The following HYCC2 variants were observed in gnomAD, a reference collection of about 807,000 sequenced individuals.
The protein encoded by HYCC2 is hyccin PI4KA lipid kinase complex subunit 2, also known as hyccin 2.
At chr2:201,007,254 C>T in the HYCC2 span, among the ~76,000 whole-genome samples, 3 of 152,056 alleles carry the variant, frequency 2.0e-5, no homozygotes, top group Admixed American at 1.3e-4. Context: ...TCGAAAATAT[C>T]ATAAGTCAAA....
chr2:201,040,650 A>C, the HYCC2 span, among the ~76,000 whole-genome samples: 2 of 151,882 alleles, frequency 1.3e-5, no homozygotes, highest in East Asian at 3.9e-4. Flanking sequence ...ATATCCGGCT[A>C]ATTTTTTTAT....
chr2:201,022,632 G>C, the HYCC2 span: 1 of 423,708 alleles, frequency 2.4e-6, no homozygotes, highest in Non-Finnish European at 4.2e-6. Context: ...CACTCAACAG[G>C]AAAAAATTTG....
the HYCC2 span, among the ~76,000 whole-genome samples, chr2:200,983,831 G>C: frequency 6.6e-6 from 1 of 152,046 alleles, no homozygotes; most frequent in Non-Finnish European, 1.5e-5. Context: ...GAGAGACTTA[G>C]TGCTAGCTTC....
chr2:201,019,461 A>G, the HYCC2 span, among the ~76,000 whole-genome samples: 1 of 152,176 alleles, frequency 6.6e-6, no homozygotes, highest in Non-Finnish European at 1.5e-5. Flanking sequence ...AAGACCGTTA[A>G]AAACTCGCTG....
the HYCC2 span, chr2:201,011,331 G>T: frequency 3.1e-6 from 3 of 978,828 alleles, no homozygotes; most frequent in South Asian, 3.5e-5. Flanking sequence ...ATAAGAAACT[G>T]ACTTTTTGAT....
the HYCC2 span, among the ~76,000 whole-genome samples, chr2:201,047,025 A>C: frequency 3.3e-5 from 5 of 152,214 alleles, no homozygotes; most frequent in African/African-American, 1.2e-4. Flanking sequence ...AATTATTTAA[A>C]GTAATCCTGA....
At chr2:201,069,481 G>A in the HYCC2 span, among the ~76,000 whole-genome samples, 7 of 150,916 alleles carry the variant, frequency 4.6e-5, no homozygotes, top group East Asian at 1.9e-4. Context: ...ACACCTACTG[G>A]CCATTCAAAA....
chr2:200,982,001 C>G, the HYCC2 span: 1 of 880,294 alleles, frequency 1.1e-6, no homozygotes. Flanking sequence ...ATCAACACTT[C>G]CCCTAAATAA....
the HYCC2 span, among the ~76,000 whole-genome samples, chr2:201,048,330 T>C: frequency 1.3e-5 from 2 of 152,048 alleles, no homozygotes; most frequent in South Asian, 4.2e-4. Flanking sequence ...ATGGGACAAA[T>C]AGCAAATGAC....
the HYCC2 span, among the ~76,000 whole-genome samples, chr2:201,012,864 G>A: frequency 7.9e-5 from 12 of 151,548 alleles, no homozygotes; most frequent in East Asian, 9.7e-4. Flanking sequence ...AGAATTGCTC[G>A]AACCCAGGAG....
the HYCC2 span, chr2:200,974,506 A>G: frequency 6.6e-6 from 1 of 152,028 alleles, no homozygotes; most frequent in East Asian, 1.9e-4. Flanking sequence ...AGATGAACTT[A>G]TTACAAATAT....
At chr2:201,023,843 C>A in the HYCC2 span, 1 of 735,072 alleles carries the variant, frequency 1.4e-6, no homozygotes, top group Non-Finnish European at 2.2e-6. Flanking sequence ...CCACTTCCTA[C>A]CATATTTTTA....
the HYCC2 span, among the ~76,000 whole-genome samples, chr2:201,044,685 A>G: frequency 7.8e-3 from 1,188 of 152,342 alleles, 15 homozygotes; most frequent in Non-Finnish European, 7.7e-3. Context: ...ACTGTACAAC[A>G]TAAGTCTTCA....
chr2:201,026,021 A>T, the HYCC2 span, among the ~76,000 whole-genome samples: 1 of 152,180 alleles, frequency 6.6e-6, no homozygotes, highest in Non-Finnish European at 1.5e-5. Context: ...CAGACTGGCA[A>T]ATTGGATAAA....
the HYCC2 span, among the ~76,000 whole-genome samples, chr2:201,005,733 C>T: frequency 6.6e-6 from 1 of 152,288 alleles, no homozygotes; most frequent in South Asian, 2.1e-4. Flanking sequence ...ACACGATGGT[C>T]AAACCTAACC....
the HYCC2 span, among the ~76,000 whole-genome samples, chr2:200,999,944 G>A: frequency 6.7e-6 from 1 of 149,520 alleles, no homozygotes; most frequent in African/African-American, 2.5e-5. Flanking sequence ...TGTAGTCCCA[G>A]TTACTCGGGA....
the HYCC2 span, among the ~76,000 whole-genome samples, chr2:201,005,548 T>C: frequency 3.9e-5 from 6 of 152,232 alleles, no homozygotes; most frequent in African/African-American, 7.2e-5. Flanking sequence ...AAAGGCCTGA[T>C]GGGCTAGGCT....
At chr2:201,024,833 C>T in the HYCC2 span, among the ~76,000 whole-genome samples, 1 of 152,054 alleles carries the variant, frequency 6.6e-6, no homozygotes, top group East Asian at 1.9e-4. Context: ...AATGGAAAAA[C>T]AGCTGGGCAC....
At chr2:201,057,764 A>T in the HYCC2 span, among the ~76,000 whole-genome samples, 1 of 152,168 alleles carries the variant, frequency 6.6e-6, no homozygotes, top group Non-Finnish European at 1.5e-5. Flanking sequence ...ACATGGTTGC[A>T]TACAGTCTGC....
Sources: allele counts gnomAD v4.1 joint callset (sites outside exome capture counted in the v4.1 genomes callset), GRCh38; gene constraint gnomAD v4.1.1; transcripts MANE v1.5; gene names NCBI Gene and HGNC (gene_info 2026-07-23, HGNC 2026-07-21).